The following TTC19 variants were observed in gnomAD, a reference collection of about 807,000 sequenced individuals.
The protein encoded by TTC19 is tetratricopeptide repeat domain 19.
A neutral mutation model predicts 49.5 loss-of-function variants in TTC19; 38 were observed. That is an observed-to-expected ratio of 0.77 (90% confidence interval 0.59 to 1.01). TTC19 has a LOEUF of 1.01. Ranked by LOEUF, TTC19 falls within the 50% of genes least tolerant of loss-of-function variation. The probability of loss-of-function intolerance (pLI) is 0.00; values close to 1 mark genes in which losing one functional copy is unlikely to be tolerated. For missense variants in TTC19, 475 were observed against 477.7 expected, an observed-to-expected ratio of 0.99 and a Z score of 0.05; for synonymous variants, 204 against 185.2, an observed-to-expected ratio of 1.10 and a Z score of -0.83.
intron 2 of TTC19, chr17:16,039,723 C>A (rs951155548): frequency 9.8e-5 from 133 of 1,363,672 alleles, no homozygotes; most frequent in Non-Finnish European, 1.1e-4. Context: ...ATGCATTGCC[C>A]CATCAGCCCA....
intron 8 of TTC19, among the ~76,000 whole-genome samples, chr17:16,025,983 G>A (rs556767764): frequency 6.6e-5 from 10 of 152,126 alleles, no homozygotes; most frequent in African/African-American, 2.4e-4. Context: ...AGAGTCAGGG[G>A]GCTTAAAGCA....
At chr17:16,008,366 T>G (rs1970972300) in intron 7 of TTC19, among the ~76,000 whole-genome samples, 1 of 152,184 alleles carries the variant, frequency 6.6e-6, no homozygotes, top group Non-Finnish European at 1.5e-5. Flanking sequence ...AATGGCACAC[T>G]ACTCATTTAG....
At chr17:16,026,455 T>G (rs918567733) in intron 8 of TTC19, 85 bp from the exon 9 acceptor site, 3 of 1,225,834 alleles carry the variant, frequency 2.4e-6, no homozygotes, top group East Asian at 2.4e-5. Context: ...TGAAATCTTA[T>G]GTATTCAGAG....
intron 8 of TTC19, among the ~76,000 whole-genome samples, chr17:16,026,058 C>T (rs753155548): frequency 6.6e-6 from 1 of 151,852 alleles, no homozygotes; most frequent in Non-Finnish European, 1.5e-5. Context: ...ATTTCAGTAG[C>T]CAAATTAAAA....
intron 7 of TTC19, among the ~76,000 whole-genome samples, chr17:16,020,850 T>C (rs566419911): frequency 1.3e-5 from 2 of 151,568 alleles, no homozygotes; most frequent in African/African-American, 4.8e-5. Context: ...TATATATTTT[T>C]GGGGGGTGGT....
chr17:16,003,718 A>G, intron 4 of TTC19, 113 bp from the exon 5 acceptor site: 1 of 924,704 alleles, frequency 1.1e-6, no homozygotes, highest in South Asian at 1.4e-5. Context: ...GTGTGTGGGT[A>G]TATGGGTTTT....
downstream of TTC19, chr17:16,029,880 C>G (rs1971784037): frequency 6.5e-6 from 1 of 153,102 alleles, no homozygotes; most frequent in Admixed American, 6.5e-5. Flanking sequence ...CACAGCACCT[C>G]ACCTTCGGGT....
intron 2 of TTC19, among the ~76,000 whole-genome samples, chr17:16,044,168 CAAAAA>C (rs34691717): frequency 1.2e-5 from 1 of 82,832 alleles, no homozygotes; most frequent in African/African-American, 4.6e-5. Context: ...GACTCCATCT[CAAAAA>C]AAAAAAAAAA....
intron 4 of TTC19, 98 bp downstream of exon 4, chr17:16,002,929 A>G (rs879494263): frequency 6.3e-6 from 7 of 1,115,544 alleles, no homozygotes; most frequent in Non-Finnish European, 9.6e-6. Flanking sequence ...TAACAAAGAG[A>G]CCCTAGAATA....
chr17:16,044,902 C>A, exon 3 of TTC19: 1 of 691,020 alleles, frequency 1.4e-6, no homozygotes, highest in African/African-American at 1.8e-5. Context: ...AAAGTGGAAG[C>A]AAACAAAGAA....
At chr17:16,041,912 ATTT>A (rs1450504298) in intron 2 of TTC19, among the ~76,000 whole-genome samples, 1 of 151,670 alleles carries the variant, frequency 6.6e-6, no homozygotes, top group African/African-American at 2.4e-5. Context: ...AATTTTTTAC[ATTT>A]TTAGTAGAGA....
rs118174899 is a variant in TTC19, at chr17:16,029,065, A to G, written c.*1543A>G. On this transcript the variant is annotated 3_prime_UTR_variant, in exon 10 of 10. Transcript: ENST00000261647. Reference sequence around the variant, plus strand: ...TTTCAGTAGAAACCAGTATTAACGTATGGTGATTTCTTAAAAAAATTAATG... The same window carrying G: ...TTTCAGTAGAAACCAGTATTAACGTGTGGTGATTTCTTAAAAAAATTAATG... The G allele has an allele frequency of 0.019, 8,525 of 452,778 alleles. 153 individuals carry two copies. The highest frequency in any genetic ancestry group is 0.035 in the Admixed American group (1,479 of 42,374). 28.0% of individuals were successfully genotyped at this position (452,778 alleles called of 1,614,324 possible).
downstream of TTC19, chr17:16,031,677 T>C (rs1972022209): frequency 4.4e-6 from 1 of 227,376 alleles, no homozygotes; most frequent in Admixed American, 5.7e-5. Context: ...TTGACCCTAA[T>C]GTACAGATTT....
At chr17:16,018,678 C>T (rs6502486) in intron 7 of TTC19, among the ~76,000 whole-genome samples, 24,651 of 151,726 alleles carry the variant, frequency 0.16, 4,526 homozygotes, top group African/African-American at 0.45. Context: ...GGCTAATTTC[C>T]GGATTTTTTC....
intron 2 of TTC19, 31 bp from the exon 3 acceptor site, chr17:16,001,884 C>A: frequency 6.7e-7 from 1 of 1,500,978 alleles, no homozygotes; most frequent in South Asian, 1.1e-5. Flanking sequence ...CTATATGTTT[C>A]ATTTTCTATT....
At chr17:16,029,490 C>A, downstream of TTC19, 1 of 268,930 alleles carries the variant, frequency 3.7e-6, no homozygotes, top group Non-Finnish European at 7.4e-6. Context: ...ATGAAATTTG[C>A]AGTCATAAAC....
chr17:16,025,645 G>A (rs950383425), intron 8 of TTC19, among the ~76,000 whole-genome samples: 5 of 152,186 alleles, frequency 3.3e-5, no homozygotes, highest in African/African-American at 4.8e-5. Context: ...TAAGTATAAC[G>A]TGTAAAGCTC....
Position 16,010,782 on chromosome 17 carries a change from A to T in TTC19, c.676+4214A>T, listed in dbSNP as rs971410479. Among the ~76,000 whole-genome samples, 12 of 152,012 alleles carry T rather than the reference A, an allele frequency of 7.9e-5. No homozygotes were observed. The East Asian group carries it at 2.1e-3, about 27-fold the overall frequency. On this transcript the variant is annotated intron_variant, in intron 7 of 9. Coordinates refer to ENST00000261647, the MANE Select transcript of TTC19 (RefSeq NM_017775.4). The stretch of plus-strand genomic sequence containing the variant: ...CCACTGTGCCCGGCCCCTATTTTCA[A>T]CTCTTAACCAGTTTCCTCTGGTATT...
rs1160078307 is a variant in TTC19 at position 16,027,582 on chromosome 17, G to T, written c.*60G>T. Reference sequence around the variant, plus strand: ...ATGTGGAAGAATAGCTATCATTCCTGTCTCTGTGGCACCCGATCAATGGCT... The same window carrying T: ...ATGTGGAAGAATAGCTATCATTCCTTTCTCTGTGGCACCCGATCAATGGCT... On this transcript the variant is annotated 3_prime_UTR_variant, in exon 10 of 10. Coordinates refer to ENST00000261647, the MANE Select transcript of TTC19 (RefSeq NM_017775.4). 6.3e-7 allele frequency: 1 copy of T among 1,584,426 alleles called. No individual in the cohort carries two copies. Among genetic ancestry groups the T allele is most frequent in the African/African-American group, 1.3e-5 (1 of 74,398 alleles).
Sources: allele counts gnomAD v4.1 joint callset (sites outside exome capture counted in the v4.1 genomes callset), GRCh38; gene constraint gnomAD v4.1.1; transcripts MANE v1.5; gene names NCBI Gene and HGNC (gene_info 2026-07-23, HGNC 2026-07-21).